The following INSYN2B variants were observed in gnomAD, a reference collection of about 807,000 sequenced individuals.
The protein encoded by INSYN2B is protein INSYN2B.
INSYN2B carries 16 observed loss-of-function variants against 41.2 expected under a neutral mutation model. The ratio of observed to expected loss-of-function variants is 0.39; its 90% CI spans 0.26 to 0.59. The LOEUF is 0.59. INSYN2B is among the 20% of genes least tolerant of loss of function. The pLI, the probability that INSYN2B is intolerant of heterozygous loss-of-function variation, is 0.57. For missense variants in INSYN2B, 608 were observed against 646.4 expected (o/e 0.94, Z 0.64); for synonymous variants, 245 against 244.4 (o/e 1.00, Z -0.02).
chr5:169,867,092 CACT>C (rs1369716620), intron 3 of INSYN2B, among the ~76,000 whole-genome samples: 8 of 152,238 alleles, frequency 5.3e-5, no homozygotes, highest in African/African-American at 1.9e-4. Context: ...CTCAGGGAAA[CACT>C]TCCTTACGTT....
At chr5:169,972,272 A>C (rs1310500071) in intron 1 of INSYN2B, among the ~76,000 whole-genome samples, 1 of 152,138 alleles carries the variant, frequency 6.6e-6, no homozygotes, top group African/African-American at 2.4e-5. Flanking sequence ...CCTTACCTAT[A>C]GCATGCATTT....
intron 1 of INSYN2B, among the ~76,000 whole-genome samples, chr5:169,894,636 G>T (rs1302449034): frequency 2.6e-5 from 4 of 152,184 alleles, no homozygotes; most frequent in Admixed American, 2.6e-4. Context: ...TTGCAAAAGC[G>T]CATGACTGCA....
chr5:169,952,770 G>A (rs562039212), intron 1 of INSYN2B, among the ~76,000 whole-genome samples: 9 of 152,252 alleles, frequency 5.9e-5, no homozygotes, highest in South Asian at 4.2e-4. Flanking sequence ...GTTTGATGCC[G>A]TTTCAATCCA....
At chr5:169,978,502 G>A (rs767036501) in intron 1 of INSYN2B, among the ~76,000 whole-genome samples, 8 of 151,720 alleles carry the variant, frequency 5.3e-5, no homozygotes, top group Non-Finnish European at 7.4e-5. Flanking sequence ...TGATGATGAT[G>A]ATGATGAATT....
At chr5:169,929,774 A>AG (rs1491305105) in intron 1 of INSYN2B, among the ~76,000 whole-genome samples, 32 of 148,808 alleles carry the variant, frequency 2.2e-4, no homozygotes, top group South Asian at 2.2e-4. Flanking sequence ...AGAGAGAGAG[A>AG]AAGAAGCTAT....
intron 1 of INSYN2B, among the ~76,000 whole-genome samples, chr5:169,890,655 A>G (rs569560174): frequency 1.3e-5 from 2 of 152,344 alleles, no homozygotes; most frequent in South Asian, 4.1e-4. Context: ...TTTATAGCAC[A>G]TGGGTTGACT....
chr5:169,967,757 T>C (rs1297730633), intron 1 of INSYN2B, among the ~76,000 whole-genome samples: 1 of 152,152 alleles, frequency 6.6e-6, no homozygotes. Context: ...GTACTGATGA[T>C]GGTAGCGTCA....
chr5:169,962,297 C>T (rs1257348423), intron 1 of INSYN2B, among the ~76,000 whole-genome samples: 2 of 152,030 alleles, frequency 1.3e-5, no homozygotes, highest in African/African-American at 4.8e-5. Context: ...AGAGTCTGGC[C>T]ATATGTTATA....
chr5:169,861,359 T>C lies in INSYN2B; in HGVS notation c.*2914A>G, dbSNP rs909056114. Among the ~76,000 whole-genome samples the C allele has an allele frequency of 6.6e-6, 1 of 152,248 alleles. No individual in the cohort carries two copies. The highest frequency in any genetic ancestry group is 1.5e-5 in the Non-Finnish European group (1 of 68,050). ...AGATAATATCCCGTTTAAAACAGTT[T>C]AGAAATTTACAAAACCTTACATCAG... is the stretch of plus-strand genomic sequence containing the variant. On this transcript the variant is annotated 3_prime_UTR_variant, in exon 4 of 4. Transcript: ENST00000377365.
intron 1 of INSYN2B, among the ~76,000 whole-genome samples, chr5:169,962,938 G>C (rs1777150848): frequency 6.6e-6 from 1 of 152,272 alleles, no homozygotes; most frequent in South Asian, 2.1e-4. Flanking sequence ...CCCTAGGCCA[G>C]GTATAGGATG....
rs70979150 is a variant in INSYN2B at position 169,961,978 on chromosome 5, C to CAAAAAAAAAAAAAAAAAAAAAAA, written c.-919+18298_-919+18299insTTTTTTTTTTTTTTTTTTTTTTT. On this transcript the variant is annotated intron_variant, in intron 1 of 3. Transcript: ENST00000377365. Reference sequence around the variant, plus strand: ...TGGGTGAAAAAGTGAGACTCTGTCCCAAAAAAAAAAAAAAAAATGGAGAAA... The same window carrying CAAAAAAAAAAAAAAAAAAAAAAA: ...TGGGTGAAAAAGTGAGACTCTGTCCCAAAAAAAAAAAAAAAAAAAAAAAAAAAAAAAAAAAAAAAATGGAGAAA... Among the ~76,000 whole-genome samples, 58 of 74,620 alleles carry CAAAAAAAAAAAAAAAAAAAAAAA rather than the reference C, an allele frequency of 7.8e-4. 14 individuals are homozygous for CAAAAAAAAAAAAAAAAAAAAAAA. The highest frequency in any genetic ancestry group is 5.2e-3 in the East Asian group (12 of 2,292). The allele number at this position is 74,620 out of a possible 152,430, so 49.0% of individuals were successfully genotyped here.
Position 169,868,031 on chromosome 5 carries a change from A to G in INSYN2B, c.1422-3572T>C, listed in dbSNP as rs1581321413. ...AGCCCTGCCCTCCCTACTGTGACAG[A>G]AAAACAATCTTCATCATAGAGTACC... On this transcript the variant is annotated intron_variant, in intron 3 of 3. Coordinates refer to ENST00000377365, the MANE Select transcript of INSYN2B (RefSeq NM_001129891.3). Among the ~76,000 whole-genome samples, 5 of 152,340 alleles carry G rather than the reference A, an allele frequency of 3.3e-5. No individual in the cohort carries two copies. The South Asian group carries it at 1.0e-3, about 32-fold the overall frequency.
chr5:169,952,083 C>A lies in INSYN2B; in HGVS notation c.-919+28194G>T, dbSNP rs1202551372. On this transcript the variant is annotated intron_variant, in intron 1 of 3. Coordinates refer to ENST00000377365, the MANE Select transcript of INSYN2B (RefSeq NM_001129891.3). ...TTTGTTACCTAAGCCCCAAGGGTTTCTCCTACCATTTCAGAGAGATAGAAG... is the reference window on the plus strand; with the variant it reads ...TTTGTTACCTAAGCCCCAAGGGTTTATCCTACCATTTCAGAGAGATAGAAG... 3.3e-5 allele frequency among the ~76,000 whole-genome samples: 5 copies of A among 152,216 alleles called. No individual in the cohort carries two copies. In the East Asian group the frequency reaches 9.6e-4, roughly 29 times the overall value.
At chr5:169,931,744 C>T (rs1775764560) in intron 1 of INSYN2B, among the ~76,000 whole-genome samples, 1 of 152,126 alleles carries the variant, frequency 6.6e-6, no homozygotes, top group Admixed American at 6.6e-5. Flanking sequence ...AGGTGGCTGG[C>T]ACTGTGCTTC....
At chr5:169,898,126 T>C (rs182205112) in intron 1 of INSYN2B, among the ~76,000 whole-genome samples, 94 of 152,346 alleles carry the variant, frequency 6.2e-4, no homozygotes, top group African/African-American at 2.1e-3. Flanking sequence ...TCTTCCTTTG[T>C]GTGTCCCAGC....
In INSYN2B at chr5:169,883,420, C is replaced by T. The variant is rs1463024363; in HGVS notation, c.479G>A (p.Gly160Glu). The stretch of plus-strand genomic sequence containing the variant: ...ATGGGACACCTTGACCCTTCGAGGC[C>T]CATCCTCAAGATGCTGAGCCAACCT... ...YLRLAQHLED[G>E]PRRVKVSHAF... The change falls in exon 2 of 4, where the codon GGG (glycine) becomes GAG (glutamate). Residue 160 changes from glycine (G) to glutamate (E), a missense_variant. Transcript: ENST00000377365. 6.4e-7 allele frequency: 1 copy of T among 1,551,642 alleles called. No homozygotes were observed. The highest frequency in any genetic ancestry group is 2.0e-5 in the Admixed American group (1 of 51,002).
intron 1 of INSYN2B, among the ~76,000 whole-genome samples, chr5:169,967,041 A>G (rs972008795): frequency 6.6e-6 from 1 of 152,238 alleles, no homozygotes; most frequent in African/African-American, 2.4e-5. Context: ...ATGGTGAAGT[A>G]CCTCCTATGT....
intron 1 of INSYN2B, among the ~76,000 whole-genome samples, chr5:169,972,542 CAGATAGATAGAT>C (rs143089504): frequency 0.014 from 2,038 of 141,346 alleles, 32 homozygotes; most frequent in South Asian, 0.057. Flanking sequence ...CACTGTGAGA[CAGATAGATAGAT>C]AGATAGATAG....
chr5:169,943,111 A>C (rs1776306073), intron 1 of INSYN2B, among the ~76,000 whole-genome samples: 2 of 152,186 alleles, frequency 1.3e-5, no homozygotes, highest in African/African-American at 4.8e-5. Flanking sequence ...ATTCAATGGA[A>C]ATATCATTGA....
Sources: gnomAD v4.1 joint callset for allele counts (sites outside exome capture counted in the v4.1 genomes callset) on GRCh38, gnomAD v4.1.1 for gene constraint, MANE v1.5 for transcripts, NCBI Gene and HGNC (gene_info 2026-07-23, HGNC 2026-07-21) for gene names.